The following AGBL1 variants were observed in gnomAD, a reference collection of about 807,000 sequenced individuals.
The protein encoded by AGBL1 is cytosolic carboxypeptidase 4.
A neutral mutation model predicts 118.9 loss-of-function variants in AGBL1; 130 were observed. That is an observed-to-expected ratio of 1.09 (90% CI 0.95 to 1.26). The LOEUF (loss-of-function observed/expected upper bound fraction) is 1.26. Among genes scored for constraint, AGBL1 ranks in the 50% most tolerant of loss-of-function variants. The pLI, the probability that AGBL1 is intolerant of heterozygous loss-of-function variation, is 0.00. For synonymous variants in AGBL1, 555 were observed against 478.9 expected, an observed-to-expected ratio of 1.16 and a Z score of -2.08; for missense variants, 1,584 against 1,298.1, an observed-to-expected ratio of 1.22 and a Z score of -3.38.
At chr15:86,605,176 A>G (rs553866663) in intron 21 of AGBL1, among the ~76,000 whole-genome samples, 1 of 152,166 alleles carries the variant, frequency 6.6e-6, no homozygotes. Flanking sequence ...CAAGTTGAAG[A>G]TAGTAAACAA....
intron 18 of AGBL1, among the ~76,000 whole-genome samples, chr15:86,467,087 CA>C (rs1158995724): frequency 2.6e-5 from 4 of 152,232 alleles, no homozygotes; most frequent in African/African-American, 9.6e-5. Context: ...CCCTTTCCCT[CA>C]GGGGGTCTCT....
At chr15:86,168,978 A>G (rs2077378560) in intron 5 of AGBL1, among the ~76,000 whole-genome samples, 1 of 152,216 alleles carries the variant, frequency 6.6e-6, no homozygotes, top group Non-Finnish European at 1.5e-5. Context: ...AAAACAAACT[A>G]GAGATAAAAT....
At chr15:86,502,960 T>C (rs1013413641) in intron 18 of AGBL1, among the ~76,000 whole-genome samples, 6 of 151,394 alleles carry the variant, frequency 4.0e-5, no homozygotes, top group African/African-American at 1.5e-4. Flanking sequence ...CCTTCTTATG[T>C]ATGTTTTGGA....
At chr15:86,626,046 T>C (rs1181932122) in intron 21 of AGBL1, among the ~76,000 whole-genome samples, 1 of 151,972 alleles carries the variant, frequency 6.6e-6, no homozygotes, top group Non-Finnish European at 1.5e-5. Context: ...AAGAGATGCA[T>C]GAACAGAAGT....
At chr15:86,436,324 A>G (rs1180756794) in intron 18 of AGBL1, among the ~76,000 whole-genome samples, 2 of 151,878 alleles carry the variant, frequency 1.3e-5, no homozygotes, top group African/African-American at 4.8e-5. Flanking sequence ...CAAATGAAAC[A>G]CCAAAGAAGA....
intron 22 of AGBL1, among the ~76,000 whole-genome samples, chr15:86,893,514 G>A (rs17647114): frequency 0.033 from 5,000 of 152,170 alleles, 184 homozygotes; most frequent in African/African-American, 0.091. Flanking sequence ...AATTAAGATC[G>A]TCATATCTCA....
chr15:86,103,940 G>A (rs1456402333), intron 1 of AGBL1, among the ~76,000 whole-genome samples: 1 of 152,214 alleles, frequency 6.6e-6, no homozygotes, highest in Non-Finnish European at 1.5e-5. Flanking sequence ...AGTAATGGCA[G>A]TAGCCATAGC....
intron 22 of AGBL1, among the ~76,000 whole-genome samples, chr15:86,872,152 G>A (rs938545788): frequency 6.6e-6 from 1 of 152,206 alleles, no homozygotes; most frequent in African/African-American, 2.4e-5. Flanking sequence ...AGCTCTGTCA[G>A]GACAGCTGTA....
intron 24 of AGBL1, among the ~76,000 whole-genome samples, chr15:87,005,395 A>G (rs2141769744): frequency 6.6e-6 from 1 of 152,070 alleles, no homozygotes; most frequent in Non-Finnish European, 1.5e-5. Flanking sequence ...TTTTCTTTTT[A>G]TTCTTTTTTC....
chr15:86,861,123 T>C (rs1567211979), intron 22 of AGBL1, among the ~76,000 whole-genome samples: 1 of 152,162 alleles, frequency 6.6e-6, no homozygotes, highest in Non-Finnish European at 1.5e-5. Context: ...CAGGCACTCC[T>C]GAAGGTCACT....
chr15:86,828,380 T>A (rs1323102574), intron 22 of AGBL1, among the ~76,000 whole-genome samples: 1 of 152,130 alleles, frequency 6.6e-6, no homozygotes, highest in Non-Finnish European at 1.5e-5. Flanking sequence ...TTTGCAAATG[T>A]GATTAAGTGT....
intron 22 of AGBL1, among the ~76,000 whole-genome samples, chr15:86,868,197 G>A (rs1161662267): frequency 6.6e-6 from 1 of 152,184 alleles, no homozygotes; most frequent in Non-Finnish European, 1.5e-5. Context: ...AAATAGGCAA[G>A]AAGCAAAGGA....
intron 22 of AGBL1, among the ~76,000 whole-genome samples, chr15:86,796,260 A>G (rs2078569191): frequency 6.6e-6 from 1 of 152,172 alleles, no homozygotes; most frequent in African/African-American, 2.4e-5. Context: ...GGATGACTAG[A>G]CATTTGTTCT....
intron 21 of AGBL1, among the ~76,000 whole-genome samples, chr15:86,610,129 A>G (rs192332873): frequency 1.3e-3 from 198 of 152,346 alleles, no homozygotes; most frequent in African/African-American, 3.7e-3. Context: ...CTACCGGTTT[A>G]AAAAGGTGAT....
chr15:86,311,579 A>C (rs2079921850), intron 17 of AGBL1, among the ~76,000 whole-genome samples: 1 of 151,902 alleles, frequency 6.6e-6, no homozygotes, highest in Admixed American at 6.6e-5. Context: ...TCCAACCAAA[A>C]CCCGGGTTTT....
chr15:86,258,899 A>G (rs1481492185), intron 9 of AGBL1, among the ~76,000 whole-genome samples: 2 of 152,000 alleles, frequency 1.3e-5, no homozygotes, highest in Non-Finnish European at 2.9e-5. Context: ...TAGAAACAGG[A>G]TTTCACCGTA....
At chr15:86,757,307 C>G (rs1236114835) in intron 22 of AGBL1, among the ~76,000 whole-genome samples, 1 of 152,060 alleles carries the variant, frequency 6.6e-6, no homozygotes, top group Non-Finnish European at 1.5e-5. Flanking sequence ...ATTTTAACCT[C>G]ACAGCACTGC....
intron 22 of AGBL1, among the ~76,000 whole-genome samples, chr15:86,808,368 AC>A (rs933649993): frequency 3.3e-5 from 5 of 152,320 alleles, no homozygotes; most frequent in African/African-American, 1.2e-4. Context: ...CCAAGATTTC[AC>A]TAGCATGTCA....
intron 23 of AGBL1, among the ~76,000 whole-genome samples, chr15:86,941,499 C>T (rs1351198865): frequency 1.3e-5 from 2 of 152,214 alleles, no homozygotes; most frequent in Non-Finnish European, 2.9e-5. Context: ...GAAGAGCCCT[C>T]TGCAGTGGCC....
Sources: allele counts gnomAD v4.1 joint callset (sites outside exome capture counted in the v4.1 genomes callset), GRCh38; gene constraint gnomAD v4.1.1; transcripts MANE v1.5; gene names NCBI Gene and HGNC (gene_info 2026-07-23, HGNC 2026-07-21).